Variants in GSAP observed in about 807,000 individuals in gnomAD.
The protein encoded by GSAP is gamma-secretase activating protein.
GSAP carries 118 observed loss-of-function variants against 131.7 expected under a neutral mutation model. The observed-to-expected ratio is 0.90, with a 90% confidence interval of 0.77 to 1.04. GSAP has a LOEUF of 1.04. GSAP is among the 50% of genes least tolerant of loss of function. The pLI is 0.00. For synonymous variants in GSAP, 381 were observed against 363.4 expected (o/e 1.05, Z -0.55); for missense variants, 1,019 against 1,013.2 (o/e 1.01, Z -0.08).
rs1284847205 is a variant in GSAP, at chr7:77,416,328, G to C, written c.-7C>G. 3 of 1,479,192 alleles carry C rather than the reference G, an allele frequency of 2.0e-6. No homozygotes were observed. The highest frequency in any genetic ancestry group is 2.4e-5 in the Admixed American group (1 of 42,232). 91.6% of individuals were successfully genotyped at this position (1,479,192 alleles called of 1,614,324 possible). A position where few individuals can be genotyped will look rare whatever the true frequency, so the allele number is the denominator to read the frequency against. ...CGACCAGGCGAAGAGCCATCGCCCG[G>C]ACACGACCACCGGGCGGCTCTGGGG... On this transcript the variant is annotated 5_prime_UTR_variant, in exon 1 of 31. Coordinates refer to ENST00000257626, the MANE Select transcript of GSAP (RefSeq NM_017439.4).
chr7:77,326,187 C>T, intron 23 of GSAP, 25 bp downstream of exon 23: 1 of 1,555,836 alleles, frequency 6.4e-7, no homozygotes, highest in Non-Finnish European at 8.8e-7. Flanking sequence ...TTTGCCAGCC[C>T]CTAAAGAACC....
At chr7:77,323,595 T>C (rs956645884) in intron 24 of GSAP, 52 bp downstream of exon 24, 1 of 866,582 alleles carries the variant, frequency 1.2e-6, no homozygotes, top group Admixed American at 2.2e-5. Flanking sequence ...TTCAGAACTA[T>C]ATGGGGAGTG....
intron 26 of GSAP, among the ~76,000 whole-genome samples, chr7:77,319,823 A>C (rs1351432240): frequency 6.6e-6 from 1 of 152,244 alleles, no homozygotes; most frequent in African/African-American, 2.4e-5. Flanking sequence ...TGCAGTATCT[A>C]AAGTAGTCAA....
At chr7:77,403,829 T>C (rs899636358) in intron 3 of GSAP, among the ~76,000 whole-genome samples, 20 of 152,190 alleles carry the variant, frequency 1.3e-4, no homozygotes, top group African/African-American at 4.1e-4. Flanking sequence ...CATTTTTTGT[T>C]TAGGATAACA....
upstream of GSAP, chr7:77,416,372 C>T: frequency 9.5e-7 from 1 of 1,057,362 alleles, no homozygotes; most frequent in Non-Finnish European, 1.3e-6. Context: ...CGCGGGCATT[C>T]CCGGCCCCGC....
At chr7:77,387,939 T>C (rs1484230003) in intron 5 of GSAP, among the ~76,000 whole-genome samples, 1 of 152,210 alleles carries the variant, frequency 6.6e-6, no homozygotes, top group Non-Finnish European at 1.5e-5. Context: ...CAGCAACATA[T>C]AAGAGGGCCT....
chr7:77,387,219 G>A (rs1358011721), intron 6 of GSAP, 141 bp downstream of exon 6: 26 of 460,622 alleles, frequency 5.6e-5, no homozygotes, highest in Non-Finnish European at 8.5e-5. Flanking sequence ...AACAAAGAGC[G>A]GATACTTCCA....
At chr7:77,353,223 T>A (rs1459596787) in intron 17 of GSAP, among the ~76,000 whole-genome samples, 197 bp from the exon 18 acceptor site, 1 of 152,108 alleles carries the variant, frequency 6.6e-6, no homozygotes, top group Non-Finnish European at 1.5e-5. Flanking sequence ...GAAGAATAAC[T>A]TAGTACCATA....
At chr7:77,401,417 C>T (rs1801290534) in intron 3 of GSAP, among the ~76,000 whole-genome samples, 1 of 151,674 alleles carries the variant, frequency 6.6e-6, no homozygotes, top group South Asian at 2.1e-4. Flanking sequence ...TCATGAGAAA[C>T]CAGAGAACCC....
intron 5 of GSAP, among the ~76,000 whole-genome samples, chr7:77,389,238 A>ATG (rs1046217036): frequency 1.3e-5 from 2 of 150,976 alleles, no homozygotes; most frequent in African/African-American, 2.4e-5. Context: ...GTGTGTATGT[A>ATG]TGTGTGTGTG....
intron 1 of GSAP, among the ~76,000 whole-genome samples, chr7:77,412,327 T>A (rs766306570): frequency 4.4e-4 from 67 of 152,026 alleles, no homozygotes; most frequent in Middle Eastern, 3.4e-3. Flanking sequence ...TTAATTTTTT[T>A]AAAAAAAATT....
chr7:77,340,397 G>A (rs1790727040), intron 19 of GSAP, among the ~76,000 whole-genome samples: 1 of 152,154 alleles, frequency 6.6e-6, no homozygotes, highest in African/African-American at 2.4e-5. Flanking sequence ...AGGACAGGAG[G>A]ACTCCTTCAG....
intron 5 of GSAP, among the ~76,000 whole-genome samples, chr7:77,391,125 CAAAAAAAAAAA>C (rs3083869): frequency 3.1e-5 from 2 of 65,094 alleles, no homozygotes; most frequent in African/African-American, 5.9e-5. Context: ...GGCTCCGTCT[CAAAAAAAAAAA>C]AAAAAAAAAA....
At chr7:77,328,464 T>G (rs1788631906) in intron 22 of GSAP, 142 bp downstream of exon 22, 11 of 1,404,936 alleles carry the variant, frequency 7.8e-6, no homozygotes, top group Non-Finnish European at 1.0e-5. Context: ...GCGGCCACTC[T>G]AACAGCAAGA....
rs1792399836 is a variant in GSAP at position 77,349,234 on chromosome 7, T to C, written c.1545+117A>G. 5 of 741,970 alleles carry C rather than the reference T, an allele frequency of 6.7e-6. No individual in the cohort carries two copies. In the Admixed American group the frequency reaches 9.7e-5, roughly 14 times the overall value. The allele number at this position is 741,970 out of a possible 1,614,324, so 46.0% of individuals were successfully genotyped here. A position where few individuals can be genotyped will look rare whatever the true frequency, so the allele number is the denominator to read the frequency against. ...GGATTCTCCAGAAAACCCACCCTAC[T>C]GCCTTGCCCTCCCCTCCCCTGCCAA... On this transcript the variant is annotated intron_variant, in intron 19 of 30. Transcript: ENST00000257626.
rs538011572 is a variant in GSAP at position 77,387,666 on chromosome 7, A to C, written c.368-218T>G. 2.0e-5 allele frequency among the ~76,000 whole-genome samples: 3 copies of C among 152,232 alleles called. No homozygotes were observed. The South Asian group carries it at 6.2e-4, about 32-fold the overall frequency. On this transcript the variant is annotated intron_variant, in intron 5 of 30. Transcript: ENST00000257626. Reference sequence around the variant, plus strand: ...GATGTGTAGCGGCTCCAGGACCCCAAAAGAGCAATCAGCCCAGCAAAGGAC... The same window carrying C: ...GATGTGTAGCGGCTCCAGGACCCCACAAGAGCAATCAGCCCAGCAAAGGAC...
chr7:77,410,266 T>C (rs530058982), intron 1 of GSAP, among the ~76,000 whole-genome samples: 1 of 152,310 alleles, frequency 6.6e-6, no homozygotes, highest in African/African-American at 2.4e-5. Context: ...CAAGGACATG[T>C]GAAATAGACA....
intron 8 of GSAP, chr7:77,379,890 T>C: frequency 2.0e-6 from 2 of 982,404 alleles, no homozygotes; most frequent in Non-Finnish European, 2.4e-6. Flanking sequence ...ATTTGAGGCT[T>C]TCAATAGCTG....
At chr7:77,381,264 A>G (rs748832974) in intron 8 of GSAP, 41 bp downstream of exon 8, 107 of 1,134,236 alleles carry the variant, frequency 9.4e-5, no homozygotes, top group Non-Finnish European at 1.2e-4. Flanking sequence ...CTTTGTGGGG[A>G]AAAAAAAACC....
Sources: gnomAD v4.1 joint callset for allele counts (sites outside exome capture counted in the v4.1 genomes callset) on GRCh38, gnomAD v4.1.1 for gene constraint, MANE v1.5 for transcripts, NCBI Gene and HGNC (gene_info 2026-07-23, HGNC 2026-07-21) for gene names.